The following CCBE1 variants were observed in gnomAD, a reference collection of about 807,000 sequenced individuals.
The protein encoded by CCBE1 is collagen and calcium binding EGF domains 1, also known as collagen and calcium-binding EGF domain-containing protein 1.
CCBE1 carries 37 observed loss-of-function variants against 50.0 expected under a neutral mutation model. That is an observed-to-expected ratio of 0.74 (90% CI 0.57 to 0.97). The LOEUF is 0.97. CCBE1 is among the 50% of genes least tolerant of loss of function. The pLI, the probability that CCBE1 is intolerant of heterozygous loss-of-function variation, is 0.00. For missense variants in CCBE1, 538 were observed against 523.8 expected (o/e 1.03, Z -0.26); for synonymous variants, 234 against 203.7 (o/e 1.15, Z -1.27).
intron 2 of CCBE1, among the ~76,000 whole-genome samples, chr18:59,573,303 G>A (rs9956022): frequency 0.7 from 72,472 of 103,082 alleles, 24,224 homozygotes; most frequent in East Asian, 0.92. Flanking sequence ...ATATATATAT[G>A]TATGTATGTG....
At chr18:59,645,955 C>A (rs954204244) in intron 2 of CCBE1, among the ~76,000 whole-genome samples, 1 of 151,898 alleles carries the variant, frequency 6.6e-6, no homozygotes, top group East Asian at 1.9e-4. Flanking sequence ...GGTGTGAACC[C>A]GGCAGACGGA....
intron 2 of CCBE1, among the ~76,000 whole-genome samples, chr18:59,583,680 T>TGTGCGC (rs1229840840): frequency 1.7e-5 from 1 of 59,344 alleles, no homozygotes; most frequent in African/African-American, 4.1e-5. Flanking sequence ...TGTGTGTGTG[T>TGTGCGC]GCGCGCGCGC....
chr18:59,595,503 A>T (rs117739239), intron 2 of CCBE1, among the ~76,000 whole-genome samples: 1,642 of 152,308 alleles, frequency 0.011, 21 homozygotes, highest in Non-Finnish European at 0.016. Context: ...TGCTCATTGT[A>T]AATTCAATAA....
At chr18:59,468,496 G>C (rs1911861546) in intron 4 of CCBE1, among the ~76,000 whole-genome samples, 1 of 152,174 alleles carries the variant, frequency 6.6e-6, no homozygotes, top group Admixed American at 6.5e-5. Flanking sequence ...CTGCAGGAGA[G>C]GCCAGAGATC....
At chr18:59,491,063 G>A (rs1022129480) in intron 2 of CCBE1, among the ~76,000 whole-genome samples, 1 of 152,112 alleles carries the variant, frequency 6.6e-6, no homozygotes, top group African/African-American at 2.4e-5. Context: ...AAAGACCTGG[G>A]CATTTATTTA....
intron 2 of CCBE1, among the ~76,000 whole-genome samples, chr18:59,634,825 GA>G (rs1301406868): frequency 6.6e-6 from 1 of 152,048 alleles, no homozygotes; most frequent in Non-Finnish European, 1.5e-5. Flanking sequence ...AGATAGAGTC[GA>G]CACAGTTAAA....
chr18:59,678,835 C>T lies in CCBE1; in HGVS notation c.212+17794G>A, dbSNP rs186647688. ...GGCATGAACCACTGCACCAGGCCCA[C>T]ATTTTTATATTAGAGAAGCTAATGT... On this transcript the variant is annotated intron_variant, in intron 2 of 10. Coordinates refer to ENST00000439986, the MANE Select transcript of CCBE1 (RefSeq NM_133459.4). Among the ~76,000 whole-genome samples the T allele has an allele frequency of 3.9e-5, 6 of 152,244 alleles. No individual in the cohort carries two copies. In the East Asian group the frequency reaches 1.2e-3, roughly 29 times the overall value.
chr18:59,511,432 G>C (rs1395049011), intron 2 of CCBE1, among the ~76,000 whole-genome samples: 1 of 152,204 alleles, frequency 6.6e-6, no homozygotes, highest in Non-Finnish European at 1.5e-5. Context: ...GTGAACACCA[G>C]CCTTGAAGAG....
intron 2 of CCBE1, among the ~76,000 whole-genome samples, chr18:59,602,224 G>A (rs139095087): frequency 7.2e-5 from 11 of 152,142 alleles, no homozygotes; most frequent in African/African-American, 2.6e-4. Flanking sequence ...CTTCTTTAGG[G>A]TGATACAATG....
intron 2 of CCBE1, among the ~76,000 whole-genome samples, chr18:59,635,619 A>G (rs1273712825): frequency 1.3e-5 from 2 of 152,208 alleles, no homozygotes; most frequent in Non-Finnish European, 2.9e-5. Context: ...TCAGGAAGAG[A>G]AGAAGATATT....
intron 2 of CCBE1, among the ~76,000 whole-genome samples, chr18:59,537,649 T>C (rs190859836): frequency 1.8e-4 from 28 of 152,306 alleles, no homozygotes; most frequent in African/African-American, 6.3e-4. Flanking sequence ...ATCAGCAGTG[T>C]GAAAATGGAC....
At chr18:59,692,292 G>A (rs1454892322) in intron 2 of CCBE1, among the ~76,000 whole-genome samples, 1 of 152,160 alleles carries the variant, frequency 6.6e-6, no homozygotes, top group Non-Finnish European at 1.5e-5. Context: ...CATTTTACAT[G>A]TATTAAGGCA....
chr18:59,462,036 C>CA (rs1483282352), intron 5 of CCBE1, among the ~76,000 whole-genome samples: 2 of 152,044 alleles, frequency 1.3e-5, no homozygotes, highest in Non-Finnish European at 2.9e-5. Flanking sequence ...CCCCGGCTGC[C>CA]AAGTGTCATC....
chr18:59,523,110 C>G (rs538894864), intron 2 of CCBE1, among the ~76,000 whole-genome samples: 3 of 151,860 alleles, frequency 2.0e-5, no homozygotes, highest in Non-Finnish European at 4.4e-5. Context: ...TGCCAAATCA[C>G]TCTCCAGAAA....
intron 3 of CCBE1, among the ~76,000 whole-genome samples, chr18:59,471,052 T>C (rs28639940): frequency 0.24 from 35,854 of 152,244 alleles, 5,034 homozygotes; most frequent in African/African-American, 0.37. Flanking sequence ...GCCAAGGTTC[T>C]GTGCTCTTTT....
chr18:59,483,505 T>C (rs1027680757), intron 2 of CCBE1, among the ~76,000 whole-genome samples: 6 of 152,218 alleles, frequency 3.9e-5, no homozygotes, highest in Non-Finnish European at 7.3e-5. Context: ...ATTGGTCAAA[T>C]CAATTTGCTG....
intron 2 of CCBE1, among the ~76,000 whole-genome samples, chr18:59,612,802 G>A (rs2053588736): frequency 1.3e-5 from 2 of 149,378 alleles, no homozygotes; most frequent in South Asian, 2.1e-4. Flanking sequence ...AAAGAACTCA[G>A]CCAATCTCAA....
intron 2 of CCBE1, among the ~76,000 whole-genome samples, chr18:59,525,237 T>C (rs1281411102): frequency 6.6e-6 from 1 of 152,222 alleles, no homozygotes; most frequent in African/African-American, 2.4e-5. Context: ...TGCCAGCATC[T>C]GTTATTTCTT....
At chr18:59,656,008 TC>T (rs1287648650) in intron 2 of CCBE1, among the ~76,000 whole-genome samples, 3 of 152,210 alleles carry the variant, frequency 2.0e-5, no homozygotes, top group Non-Finnish European at 2.9e-5. Context: ...ATGTTGACTC[TC>T]TGTGAATGTA....
Sources: gnomAD v4.1 joint callset for allele counts (sites outside exome capture counted in the v4.1 genomes callset) on GRCh38, gnomAD v4.1.1 for gene constraint, MANE v1.5 for transcripts, NCBI Gene and HGNC (gene_info 2026-07-23, HGNC 2026-07-21) for gene names.